The following PAFAH2 variants were observed in gnomAD, a reference collection of about 807,000 sequenced individuals.
PAFAH2 encodes platelet-activating factor acetylhydrolase 2, cytoplasmic.
In PAFAH2, 42 loss-of-function variants were observed where a neutral mutation model predicts 49.0. That is an observed-to-expected ratio of 0.86 (90% CI 0.67 to 1.11). The LOEUF (loss-of-function observed/expected upper bound fraction) is 1.11, where lower values mean the gene tolerates loss of function less well. PAFAH2 is among the 50% of genes least tolerant of loss of function. PAFAH2 has a pLI of 0.00. For synonymous variants in PAFAH2, 184 were observed against 181.3 expected (o/e 1.01, Z -0.12); for missense variants, 503 against 501.8 (o/e 1.00, Z -0.02).
rs367644556 is a variant in PAFAH2 at position 25,983,935 on chromosome 1, C to T, written c.552+11G>A. ...TCATTAACTCTCCCTCCCCAACTGG[C>T]ACAAACTTACCTGGGGATTCCGAAC... On this transcript the variant is annotated intron_variant, in intron 6 of 10. Transcript: ENST00000374282. The T allele has an allele frequency of 1.5e-5, 25 of 1,613,896 alleles. No individual in the cohort carries two copies. The highest frequency in any genetic ancestry group is 1.6e-4 in the Middle Eastern group (1 of 6,082).
chr1:25,967,120 G>T (rs2049438281), intron 10 of PAFAH2, among the ~76,000 whole-genome samples: 1 of 151,850 alleles, frequency 6.6e-6, no homozygotes, highest in African/African-American at 2.4e-5. Flanking sequence ...CACTAATTTG[G>T]ATGAGAGATG....
At chr1:25,996,143 C>T (rs887237313) in intron 1 of PAFAH2, among the ~76,000 whole-genome samples, 1 of 151,956 alleles carries the variant, frequency 6.6e-6, no homozygotes, top group Admixed American at 6.6e-5. Context: ...ATTGCTTCAG[C>T]CCAGGAGTTC....
chr1:25,972,487 A>G (rs2049523111), intron 10 of PAFAH2, 71 bp downstream of exon 10: 1 of 1,496,024 alleles, frequency 6.7e-7, no homozygotes, highest in Non-Finnish European at 9.1e-7. Context: ...GACATGTCAG[A>G]GTTCTCACTC....
intron 7 of PAFAH2, among the ~76,000 whole-genome samples, chr1:25,978,859 T>A (rs1195620040): frequency 6.6e-6 from 1 of 152,226 alleles, no homozygotes; most frequent in Non-Finnish European, 1.5e-5. Context: ...GTTTACACAC[T>A]CTAGCAATTA....
chr1:25,963,262 A>G (rs2049367610), intron 10 of PAFAH2, among the ~76,000 whole-genome samples: 1 of 152,206 alleles, frequency 6.6e-6, no homozygotes, highest in Admixed American at 6.5e-5. Flanking sequence ...AACAATAAGC[A>G]CATCCACTAT....
intron 7 of PAFAH2, among the ~76,000 whole-genome samples, chr1:25,980,386 G>A (rs2124346433): frequency 6.6e-6 from 1 of 151,638 alleles, no homozygotes; most frequent in African/African-American, 2.4e-5. Context: ...ACAATGGCGC[G>A]ATCTTGGCTC....
intron 4 of PAFAH2, among the ~76,000 whole-genome samples, chr1:25,986,817 C>T (rs906972952): frequency 3.3e-5 from 5 of 152,120 alleles, no homozygotes; most frequent in African/African-American, 1.2e-4. Context: ...AGGCGTGAGC[C>T]ACCGCGCTCG....
At chr1:25,991,548 C>T (rs2049876326) in intron 1 of PAFAH2, among the ~76,000 whole-genome samples, 1 of 147,560 alleles carries the variant, frequency 6.8e-6, no homozygotes, top group African/African-American at 2.5e-5. Context: ...TCCCAAAGTG[C>T]TGGGATTACA....
At chr1:25,985,177 C>G (rs1478742307) in intron 4 of PAFAH2, among the ~76,000 whole-genome samples, 1 of 152,128 alleles carries the variant, frequency 6.6e-6, no homozygotes, top group East Asian at 1.9e-4. Flanking sequence ...ATTTCTGATC[C>G]CTTCCCAGTT....
intron 8 of PAFAH2, 75 bp from the exon 9 acceptor site, chr1:25,974,725 C>T (rs747674822): frequency 3.6e-5 from 50 of 1,406,048 alleles, no homozygotes; most frequent in Non-Finnish European, 4.7e-5. Context: ...GAGGGAAGGG[C>T]GGAGTTCCTC....
At chr1:25,974,796 G>A (rs953417271) in intron 8 of PAFAH2, 146 bp from the exon 9 acceptor site, 12 of 625,042 alleles carry the variant, frequency 1.9e-5, no homozygotes, top group African/African-American at 5.6e-5. Context: ...ACGGCCTTCA[G>A]TCAGGATCTT....
intron 1 of PAFAH2, among the ~76,000 whole-genome samples, chr1:25,994,121 C>G (rs1369183391): frequency 6.6e-6 from 1 of 151,380 alleles, no homozygotes; most frequent in Non-Finnish European, 1.5e-5. Flanking sequence ...ACATTGGAGG[C>G]CCAGCTCATT....
intron 9 of PAFAH2, among the ~76,000 whole-genome samples, chr1:25,973,866 G>A (rs563345736): frequency 5.9e-5 from 9 of 152,250 alleles, no homozygotes; most frequent in African/African-American, 1.2e-4. Flanking sequence ...ATCTCAGCCC[G>A]ACATCTGTGG....
chr1:25,979,317 GCCTT>G (rs1557521499), intron 7 of PAFAH2, among the ~76,000 whole-genome samples: 5 of 145,976 alleles, frequency 3.4e-5, no homozygotes, highest in Non-Finnish European at 3.0e-5. Context: ...ATTTACCAAT[GCCTT>G]TTTTTTTTTT....
intron 7 of PAFAH2, among the ~76,000 whole-genome samples, chr1:25,980,631 A>ATT (rs1430702055): frequency 2.7e-5 from 4 of 145,604 alleles, no homozygotes; most frequent in East Asian, 2.0e-4. Context: ...ATATATATAT[A>ATT]TTTTATATAT....
intron 10 of PAFAH2, among the ~76,000 whole-genome samples, chr1:25,963,442 G>A (rs574493515): frequency 6.6e-6 from 1 of 152,284 alleles, no homozygotes; most frequent in African/African-American, 2.4e-5. Context: ...AGCCCGTTAA[G>A]GGAAGCACTG....
intron 10 of PAFAH2, among the ~76,000 whole-genome samples, chr1:25,962,426 CTTA>C (rs1284250340): frequency 6.6e-6 from 1 of 152,150 alleles, no homozygotes; most frequent in Non-Finnish European, 1.5e-5. Flanking sequence ...TAATACTAAT[CTTA>C]TTATGTAATT....
chr1:25,963,179 C>T (rs1389025705), intron 10 of PAFAH2, among the ~76,000 whole-genome samples: 3 of 152,154 alleles, frequency 2.0e-5, no homozygotes, highest in Non-Finnish European at 1.5e-5. Flanking sequence ...TTTTGGATTC[C>T]CAGTGCCCTG....
chr1:25,990,738 G>A lies in PAFAH2; in HGVS notation c.79C>T (p.Gln27Ter), dbSNP rs199800050. ...CTGGGGACACTTACCTGGAGATTCTGACCCTCCATCACATCCCCACAGCCT... is the reference window on the plus strand; with the variant it reads ...CTGGGGACACTTACCTGGAGATTCTAACCCTCCATCACATCCCCACAGCCT... ...LVGCGDVMEG[Q>*]NLQGSFFRLF... is the part of the protein sequence containing the mutation. The change falls in exon 2 of 11, where the codon CAG becomes TAG. Residue 27 changes from glutamine to a stop codon, truncating the protein, a stop_gained. Coordinates refer to ENST00000374282, the MANE Select transcript of PAFAH2 (RefSeq NM_000437.4). LOFTEE classifies it high-confidence loss of function. 2.1e-5 allele frequency: 34 copies of A among 1,613,550 alleles called. No individual in the cohort carries two copies. Among genetic ancestry groups the A allele is most frequent in the Non-Finnish European group, 2.7e-5 (32 of 1,179,664 alleles).
Sources: gnomAD v4.1 joint callset for allele counts (sites outside exome capture counted in the v4.1 genomes callset) on GRCh38, gnomAD v4.1.1 for gene constraint, MANE v1.5 for transcripts, NCBI Gene and HGNC (gene_info 2026-07-23, HGNC 2026-07-21) for gene names.